Variants in DNAAF5 observed in about 807,000 individuals in gnomAD.
The protein encoded by DNAAF5 is dynein axonemal assembly factor 5, also known as HEAT repeat containing 2.
A neutral mutation model predicts 75.8 loss-of-function variants in DNAAF5; 64 were observed. The observed-to-expected ratio is 0.84, with a 90% CI of 0.69 to 1.04. DNAAF5 has a LOEUF of 1.04. Ranked by LOEUF, DNAAF5 falls within the 50% of genes least tolerant of loss-of-function variation. DNAAF5 has a pLI of 0.00. For synonymous variants in DNAAF5, 657 were observed against 557.2 expected (o/e 1.18, Z -2.52); for missense variants, 1,269 against 1,178.5 (o/e 1.08, Z -1.12).
chr7:765,711 T>A (rs895748412), intron 8 of DNAAF5, among the ~76,000 whole-genome samples: 1 of 152,212 alleles, frequency 6.6e-6, no homozygotes, highest in Non-Finnish European at 1.5e-5. Context: ...TTTTTTGTTT[T>A]TTGTTTTTTG....
chr7:769,009 C>T, intron 8 of DNAAF5: 1 of 609,944 alleles, frequency 1.6e-6, no homozygotes, highest in Non-Finnish European at 3.0e-6. Flanking sequence ...TCCTGCCCGG[C>T]TGCGTGGGGA....
chr7:733,243 CTT>C (rs1781638892), intron 2 of DNAAF5, among the ~76,000 whole-genome samples: 1 of 152,060 alleles, frequency 6.6e-6, no homozygotes, highest in African/African-American at 2.4e-5. Context: ...TTGTTTTTGT[CTT>C]GTTTTGTTTT....
intron 7 of DNAAF5, among the ~76,000 whole-genome samples, chr7:762,197 C>T (rs917401077): frequency 1.3e-5 from 2 of 152,178 alleles, no homozygotes; most frequent in East Asian, 3.9e-4. Flanking sequence ...TTTAATAGTG[C>T]ACATGTCGCT....
At chr7:758,161 C>T (rs953055583) in intron 6 of DNAAF5, among the ~76,000 whole-genome samples, 6 of 152,240 alleles carry the variant, frequency 3.9e-5, no homozygotes, top group African/African-American at 1.4e-4. Context: ...TGTGTCAGTT[C>T]TCCACTTTCC....
chr7:739,042 T>C (rs1391915620), intron 2 of DNAAF5, among the ~76,000 whole-genome samples: 1 of 151,860 alleles, frequency 6.6e-6, no homozygotes, highest in Non-Finnish European at 1.5e-5. Flanking sequence ...GCCCCATCAC[T>C]GTACACCTGT....
chr7:745,522 CGT>C (rs962626040), intron 4 of DNAAF5, among the ~76,000 whole-genome samples: 5 of 152,332 alleles, frequency 3.3e-5, no homozygotes, highest in African/African-American at 9.6e-5. Flanking sequence ...CATATGCACA[CGT>C]GTGTACATGC....
intron 4 of DNAAF5, among the ~76,000 whole-genome samples, chr7:751,855 T>C (rs1782306510): frequency 6.6e-6 from 1 of 152,208 alleles, no homozygotes; most frequent in Admixed American, 6.5e-5. Flanking sequence ...ATTACAGGCA[T>C]GAGCCACCGT....
chr7:768,907 C>G, intron 8 of DNAAF5: 1 of 531,712 alleles, frequency 1.9e-6, no homozygotes, highest in East Asian at 2.9e-5. Flanking sequence ...TCAGAAGCAG[C>G]GTGGTTCTCG....
intron 8 of DNAAF5, among the ~76,000 whole-genome samples, chr7:765,635 A>G (rs1040078623): frequency 6.6e-6 from 1 of 152,192 alleles, no homozygotes; most frequent in Non-Finnish European, 1.5e-5. Context: ...CCTGTCATTC[A>G]CTGAAAGGCA....
At chr7:750,258 G>A (rs1368063654) in intron 4 of DNAAF5, among the ~76,000 whole-genome samples, 3 of 152,190 alleles carry the variant, frequency 2.0e-5, no homozygotes, top group African/African-American at 7.2e-5. Flanking sequence ...GCACAGCCCA[G>A]GCATCGCACA....
Position 786,047 on chromosome 7 carries a change from C to G in DNAAF5, c.*394C>G, listed in dbSNP as rs1469668581. On this transcript the variant is annotated 3_prime_UTR_variant, in exon 13 of 13. Coordinates refer to ENST00000297440, the MANE Select transcript of DNAAF5 (RefSeq NM_017802.4). ...CCTACTTAACAAAAAAGAAAGAAGC[C>G]AAAGTGATTAGAAAGAAATGAAATC... is the stretch of plus-strand genomic sequence containing the variant. 1 of 165,644 alleles carries G rather than the reference C, an allele frequency of 6.0e-6. No homozygotes were observed. The highest frequency in any genetic ancestry group is 2.4e-5 in the African/African-American group (1 of 41,814). The allele number at this position is 165,644 out of a possible 1,614,324, so 10.3% of individuals were successfully genotyped here. A position where few individuals can be genotyped will look rare whatever the true frequency, so the allele number is the denominator to read the frequency against.
intron 11 of DNAAF5, among the ~76,000 whole-genome samples, chr7:775,878 C>T (rs1420898954): frequency 1.3e-5 from 2 of 150,744 alleles, no homozygotes; most frequent in African/African-American, 2.4e-5. Flanking sequence ...TAAGGTGTGC[C>T]GGAAGATGTG....
chr7:729,426 G>T (rs1404741629), intron 1 of DNAAF5, among the ~76,000 whole-genome samples: 2 of 152,234 alleles, frequency 1.3e-5, no homozygotes, highest in African/African-American at 4.8e-5. Context: ...CTAAGCCTCT[G>T]GGTTGCACAG....
At chr7:779,531 C>CTT (rs1309493563) in intron 11 of DNAAF5, among the ~76,000 whole-genome samples, 1 of 152,188 alleles carries the variant, frequency 6.6e-6, no homozygotes, top group African/African-American at 2.4e-5. Context: ...TTGTCTGTCA[C>CTT]TGAGTCCTCA....
chr7:754,433 G>A lies in DNAAF5; in HGVS notation c.1025-156G>A, dbSNP rs983988597. Among the ~76,000 whole-genome samples the A allele has an allele frequency of 6.6e-6, 1 of 152,150 alleles. No homozygotes were observed. ...CACCGCCTCTGTGAATGTTCTGAAC[G>A]ACGGGGCATTTGTCAGCTTTGCGTC... On this transcript the variant is annotated intron_variant, in intron 4 of 12. Transcript: ENST00000297440. This position sits in a 1 kb window ranked among gnomAD's most constrained non-coding sequence, Gnocchi z 4.8.
chr7:770,688 C>A (rs1778530033), intron 9 of DNAAF5, 70 bp downstream of exon 9: 2 of 1,459,548 alleles, frequency 1.4e-6, no homozygotes, highest in Non-Finnish European at 1.9e-6. Flanking sequence ...TCTCCCTCCC[C>A]AACAGCTCAC....
At chr7:763,587 G>A (rs1210356072) in intron 7 of DNAAF5, among the ~76,000 whole-genome samples, 8 of 152,328 alleles carry the variant, frequency 5.3e-5, no homozygotes, top group Admixed American at 2.0e-4. Flanking sequence ...CTGCAGAGAC[G>A]GCGTTGGTGT....
At chr7:752,816 G>C (rs1220175775) in intron 4 of DNAAF5, among the ~76,000 whole-genome samples, 1 of 152,370 alleles carries the variant, frequency 6.6e-6, no homozygotes, top group African/African-American at 2.4e-5. Flanking sequence ...TGGAGATGAT[G>C]TATGTAAGGA....
At chr7:744,567 T>G (rs1397674460) in intron 4 of DNAAF5, among the ~76,000 whole-genome samples, 1 of 152,182 alleles carries the variant, frequency 6.6e-6, no homozygotes, top group Non-Finnish European at 1.5e-5. Flanking sequence ...TCATGATCAC[T>G]GGCCATCAGA....
Sources: gnomAD v4.1 joint callset for allele counts (sites outside exome capture counted in the v4.1 genomes callset) on GRCh38, gnomAD v4.1.1 for gene constraint, Gnocchi (gnomAD v3.1) non-coding constraint, MANE v1.5 for transcripts, NCBI Gene and HGNC (gene_info 2026-07-23, HGNC 2026-07-21) for gene names.